The following MUSK variants were observed in gnomAD, a reference collection of about 807,000 sequenced individuals.
MUSK encodes muscle associated receptor tyrosine kinase.
Under a neutral mutation model 88.7 loss-of-function variants are expected in MUSK, and 55 were observed. That is an observed-to-expected ratio of 0.62 (90% confidence interval 0.50 to 0.78). MUSK has a LOEUF of 0.78. MUSK is among the 30% of genes least tolerant of loss of function. The pLI, the probability that MUSK is intolerant of heterozygous loss-of-function variation, is 0.00. For missense variants in MUSK, 1,015 were observed against 1,074.3 expected, an observed-to-expected ratio of 0.94 and a Z score of 0.77; for synonymous variants, 387 against 391.9, an observed-to-expected ratio of 0.99 and a Z score of 0.15.
chr9:110,683,425 G>C (rs2076157242), intron 2 of MUSK, among the ~76,000 whole-genome samples: 1 of 152,102 alleles, frequency 6.6e-6, no homozygotes, highest in Non-Finnish European at 1.5e-5. Flanking sequence ...ACTGAAAACA[G>C]TGCTGCAACA....
At chr9:110,749,255 G>A (rs929007343) in intron 7 of MUSK, among the ~76,000 whole-genome samples, 18 of 152,160 alleles carry the variant, frequency 1.2e-4, no homozygotes, top group East Asian at 5.8e-4. Context: ...AGTCAGTCAC[G>A]TATATTATGG....
rs1476034971 is a variant in MUSK, at chr9:110,695,485, T to A, written c.441T>A (p.Asn147Lys). 1.9e-6 allele frequency: 3 copies of A among 1,566,340 alleles called. No homozygotes were observed. The highest frequency in any genetic ancestry group is 4.7e-5 in the East Asian group (2 of 42,972). The part of the protein sequence containing the change: ...KAVLPCTTMG[N>K]PKPSVSWIKG... Reference sequence around the variant, plus strand: ...TCCTACCATGTACTACAATGGGTAATCCCAAACCATCAGTGTCTTGGATAA... The same window carrying A: ...TCCTACCATGTACTACAATGGGTAAACCCAAACCATCAGTGTCTTGGATAA... The change falls in exon 4 of 15, where the codon AAT becomes AAA. Residue 147 changes from asparagine to lysine, a missense_variant. Transcript: ENST00000374448.
chr9:110,738,575 G>C (rs1391245317), intron 6 of MUSK, among the ~76,000 whole-genome samples: 2 of 152,076 alleles, frequency 1.3e-5, no homozygotes, highest in Non-Finnish European at 2.9e-5. Context: ...CCCTTCTCAG[G>C]GATATTTCAG....
intron 6 of MUSK, among the ~76,000 whole-genome samples, chr9:110,744,120 A>G (rs1025765841): frequency 3.3e-5 from 5 of 152,168 alleles, no homozygotes; most frequent in Admixed American, 3.3e-4. Flanking sequence ...GGTGGGTGCC[A>G]TCAAGCCCAG....
chr9:110,755,933 C>CGTATAT (rs1394411648), intron 7 of MUSK, among the ~76,000 whole-genome samples: 1 of 81,538 alleles, frequency 1.2e-5, no homozygotes, highest in Non-Finnish European at 2.4e-5. Context: ...TATATATATA[C>CGTATAT]ATATATATAT....
At chr9:110,800,284 A>C in intron 14 of MUSK, 22 bp from the exon 15 acceptor site, 1 of 1,581,628 alleles carries the variant, frequency 6.3e-7, no homozygotes, top group Non-Finnish European at 8.6e-7. Flanking sequence ...TGAGACTAAC[A>C]GGGATGGTCT....
intron 13 of MUSK, 64 bp from the exon 14 acceptor site, chr9:110,787,626 G>T: frequency 6.6e-7 from 1 of 1,522,000 alleles, no homozygotes. Flanking sequence ...GTATAAATGT[G>T]GGTAGGTATA....
intron 6 of MUSK, among the ~76,000 whole-genome samples, chr9:110,742,925 G>T (rs927293583): frequency 3.9e-5 from 6 of 152,196 alleles, no homozygotes; most frequent in Non-Finnish European, 8.8e-5. Context: ...CAAATCACAG[G>T]ACATGGAGGC....
At chr9:110,750,973 G>C (rs182623610) in intron 7 of MUSK, among the ~76,000 whole-genome samples, 1 of 152,144 alleles carries the variant, frequency 6.6e-6, no homozygotes. Flanking sequence ...GAAGCTGGAA[G>C]AGCAGGTGGT....
At position 110,747,650 on chromosome 9, in the gene MUSK, G is replaced by A. The variant is rs2131877057; in HGVS notation, c.763G>A (p.Gly255Arg). 5 of 1,611,720 alleles carry A rather than the reference G, an allele frequency of 3.1e-6. No homozygotes were observed. Among genetic ancestry groups the A allele is most frequent in the Non-Finnish European group, 3.4e-6 (4 of 1,178,130 alleles). The change falls in exon 7 of 15, where the codon GGG (glycine) becomes AGG (arginine). Residue 255 changes from glycine to arginine, a missense_variant. Transcript: ENST00000374448. ...TCCTTTACTCTGTCAGGTTTCTTCT[G>A]GGTCCATTCAAGAGAGTGTGAAAGA... Reference protein sequence around the residue: ...WIENGNAVSSGSIQESVKDRV... With the variant: ...WIENGNAVSSRSIQESVKDRV...
Position 110,706,249 on chromosome 9 carries a change from C to T in MUSK, c.628+8783C>T, listed in dbSNP as rs116414760. The T allele has an allele frequency of 4.1e-3, 1,459 of 355,788 alleles. 20 individuals carry two copies. The highest frequency in any genetic ancestry group is 0.03 in the African/African-American group (1,364 of 46,206). The allele number at this position is 355,788 out of a possible 1,614,324, so 22.0% of individuals were successfully genotyped here. On this transcript the variant is annotated intron_variant, in intron 5 of 14. Transcript: ENST00000374448. Reference sequence around the variant, plus strand: ...TAGAAATTTTCCTTCTGCTTGAGATCATTTCATTTGTTCCTCACAGAAATG... The same window carrying T: ...TAGAAATTTTCCTTCTGCTTGAGATTATTTCATTTGTTCCTCACAGAAATG...
At chr9:110,705,806 T>C (rs978417059) in intron 5 of MUSK, among the ~76,000 whole-genome samples, 1 of 152,340 alleles carries the variant, frequency 6.6e-6, no homozygotes, top group East Asian at 1.9e-4. Context: ...GAGGCTCTTC[T>C]GGAAAGGTTA....
chr9:110,706,273 T>G, intron 5 of MUSK: 1 of 324,646 alleles, frequency 3.1e-6, no homozygotes, highest in South Asian at 2.6e-5. Flanking sequence ...CTCACAGAAA[T>G]GAAAGCATTA....
At chr9:110,708,137 T>A (rs1027605166) in intron 5 of MUSK, among the ~76,000 whole-genome samples, 1 of 148,232 alleles carries the variant, frequency 6.7e-6, no homozygotes, top group Non-Finnish European at 1.5e-5. Flanking sequence ...TCTATCTATC[T>A]ATCATGTCAC....
Position 110,787,681 on chromosome 9 carries a change from A to G in MUSK, c.1779-9A>G, listed in dbSNP as rs2077897749. On this transcript the variant is annotated splice_polypyrimidine_tract_variant and intron_variant, in intron 13 of 14. Transcript: ENST00000374448. ...CTTTGGTTTCTTTTTCAATAAATGT[A>G]TCTCTCAGGGCACCAGGCTTACTTC... 1 of 1,610,598 alleles carries G rather than the reference A, an allele frequency of 6.2e-7. No individual in the cohort carries two copies. The highest frequency in any genetic ancestry group is 8.5e-7 in the Non-Finnish European group (1 of 1,178,886).
At chr9:110,759,062 T>G (rs965339650) in intron 7 of MUSK, among the ~76,000 whole-genome samples, 2 of 152,172 alleles carry the variant, frequency 1.3e-5, no homozygotes, top group African/African-American at 4.8e-5. Flanking sequence ...GGAGGAATCA[T>G]GCTATCTTAC....
At chr9:110,689,467 A>T (rs1475008054) in intron 3 of MUSK, among the ~76,000 whole-genome samples, 1 of 112,402 alleles carries the variant, frequency 8.9e-6, no homozygotes, top group Non-Finnish European at 1.6e-5. Flanking sequence ...ATATTTATAT[A>T]TATGTAAAAA....
chr9:110,804,740 CAAT>C lies in MUSK; in HGVS notation c.*3757_*3759del. On this transcript the variant is annotated 3_prime_UTR_variant, in exon 15 of 15. Coordinates refer to ENST00000374448, the MANE Select transcript of MUSK (RefSeq NM_005592.4). ...TATGTTTGAAAAGAAAAATAATATG[CAAT>C]AATATACAATAATATGTATAATCAT... 6.6e-6 allele frequency among the ~76,000 whole-genome samples: 1 copy of C among 151,410 alleles called. No individual in the cohort carries two copies. The highest frequency in any genetic ancestry group is 1.5e-5 in the Non-Finnish European group (1 of 67,730).
chr9:110,701,934 G>A lies in MUSK; in HGVS notation c.628+4468G>A, dbSNP rs548685622. 4.3e-4 allele frequency among the ~76,000 whole-genome samples: 60 copies of A among 140,926 alleles called. No homozygotes were observed. In the Middle Eastern group the frequency reaches 0.014, roughly 34 times the overall value. The allele number at this position is 140,926 out of a possible 152,430, so 92.5% of individuals were successfully genotyped here. A position where few individuals can be genotyped will look rare whatever the true frequency, so the allele number is the denominator to read the frequency against. Reference sequence around the variant, plus strand: ...ATTTTATTTTATTTTATTTCATAGAGACAGGGTCTTGCTATGTTGCCCAGG... The same window carrying A: ...ATTTTATTTTATTTTATTTCATAGAAACAGGGTCTTGCTATGTTGCCCAGG... On this transcript the variant is annotated intron_variant, in intron 5 of 14. Transcript: ENST00000374448.
Sources: gnomAD v4.1 joint callset for allele counts (sites outside exome capture counted in the v4.1 genomes callset) on GRCh38, gnomAD v4.1.1 for gene constraint, MANE v1.5 for transcripts, NCBI Gene and HGNC (gene_info 2026-07-23, HGNC 2026-07-21) for gene names.